The following SLC22A4 variants were observed in gnomAD, a reference collection of about 807,000 sequenced individuals.
The protein encoded by SLC22A4 is solute carrier family 22 member 4, also known as ET transporter.
Under a neutral mutation model 56.6 loss-of-function variants are expected in SLC22A4, and 39 were observed. That is an observed-to-expected ratio of 0.69 (90% CI 0.53 to 0.90). The LOEUF (loss-of-function observed/expected upper bound fraction) is 0.90, where lower values mean the gene tolerates loss of function less well. SLC22A4 is among the 40% of genes least tolerant of loss of function. The probability of loss-of-function intolerance (pLI) is 0.00; values close to 1 mark genes in which losing one functional copy is unlikely to be tolerated. For synonymous variants in SLC22A4, 241 were observed against 281.4 expected (o/e 0.86, Z 1.44); for missense variants, 594 against 696.5 (o/e 0.85, Z 1.66).
chr5:132,324,518 C>A (rs1315913995), intron 4 of SLC22A4: 1 of 471,058 alleles, frequency 2.1e-6, no homozygotes, highest in South Asian at 1.5e-5. Flanking sequence ...CAGGACTTGC[C>A]CCAGACAGAG....
chr5:132,307,156 GTTTGTT>G (rs1333805028), intron 1 of SLC22A4, among the ~76,000 whole-genome samples: 2 of 152,168 alleles, frequency 1.3e-5, no homozygotes, highest in African/African-American at 4.8e-5. Flanking sequence ...AACTAGCCAT[GTTTGTT>G]TTTGTTTTTC....
At chr5:132,328,880 T>A (rs1750766973) in intron 5 of SLC22A4, among the ~76,000 whole-genome samples, 1 of 114,454 alleles carries the variant, frequency 8.7e-6, no homozygotes, top group Non-Finnish European at 1.7e-5. Flanking sequence ...CATATATAAA[T>A]GTGTATATAT....
intron 1 of SLC22A4, chr5:132,311,821 T>G (rs1429284586): frequency 2.5e-6 from 1 of 404,862 alleles, no homozygotes; most frequent in Non-Finnish European, 4.7e-6. Context: ...CCACCTTTAC[T>G]TTGGACTGCC....
chr5:132,294,571 G>A lies in SLC22A4; in HGVS notation c.-46G>A, dbSNP rs554877227. ...AGCTACAAGACACTGTCCTGAGAACGCTGTCATCACCCGTAGTTGCAAGTT... is the reference window on the plus strand; with the variant it reads ...AGCTACAAGACACTGTCCTGAGAACACTGTCATCACCCGTAGTTGCAAGTT... On this transcript the variant is annotated 5_prime_UTR_variant, in exon 1 of 10. Transcript: ENST00000200652. This position sits in a 1 kb window ranked among gnomAD's most constrained non-coding sequence, Gnocchi z 5.6. 2 of 1,613,380 alleles carry A rather than the reference G, an allele frequency of 1.2e-6. No individual in the cohort carries two copies. The highest frequency in any genetic ancestry group is 2.7e-5 in the African/African-American group (2 of 75,036).
chr5:132,314,562 A>G (rs1750279150), intron 3 of SLC22A4, among the ~76,000 whole-genome samples: 1 of 152,204 alleles, frequency 6.6e-6, no homozygotes, highest in Non-Finnish European at 1.5e-5. Flanking sequence ...CTCTAGGGTG[A>G]TAATATATTC....
Position 132,328,838 on chromosome 5 carries a change from TACACACACAC to T in SLC22A4, c.951+1456_951+1465del, listed in dbSNP as rs200357854. On this transcript the variant is annotated intron_variant, in intron 5 of 9. Coordinates refer to ENST00000200652, the MANE Select transcript of SLC22A4 (RefSeq NM_003059.3). Reference sequence around the variant, plus strand: ...GGCAGTGCCTTTATATATATATATATACACACACACACACACACACACACACACACGCATA... The same window carrying T: ...GGCAGTGCCTTTATATATATATATATACACACACACACACACACACGCATA... Among the ~76,000 whole-genome samples the T allele has an allele frequency of 6.8e-3, 941 of 138,624 alleles. 13 individuals carry two copies. Among genetic ancestry groups the T allele is most frequent in the African/African-American group, 0.025 (907 of 36,450 alleles). The allele number at this position is 138,624 out of a possible 152,430, so 90.9% of individuals were successfully genotyped here. A position where few individuals can be genotyped will look rare whatever the true frequency, so the allele number is the denominator to read the frequency against.
At chr5:132,326,934 A>G (rs940049361) in intron 4 of SLC22A4, among the ~76,000 whole-genome samples, 1 of 152,242 alleles carries the variant, frequency 6.6e-6, no homozygotes, top group East Asian at 1.9e-4. Flanking sequence ...AGGGGAACTT[A>G]TAGTCTAGTA....
Position 132,335,216 on chromosome 5 carries a change from T to C in SLC22A4, c.1261+284T>C, listed in dbSNP as rs375700069. ...TCACCTAACATCTCCCTTTAACTCATAGTCATGATTCCTAATTTCTGGCTA... is the reference window on the plus strand; with the variant it reads ...TCACCTAACATCTCCCTTTAACTCACAGTCATGATTCCTAATTTCTGGCTA... On this transcript the variant is annotated intron_variant, in intron 7 of 9. Coordinates refer to ENST00000200652, the MANE Select transcript of SLC22A4 (RefSeq NM_003059.3). 1.3e-3 allele frequency among the ~76,000 whole-genome samples: 204 copies of C among 152,258 alleles called. 5 individuals carry two copies. In the South Asian group the frequency reaches 0.038, roughly 28 times the overall value.
chr5:132,305,161 A>G (rs1375407561), intron 1 of SLC22A4, among the ~76,000 whole-genome samples: 1 of 152,226 alleles, frequency 6.6e-6, no homozygotes, highest in Admixed American at 6.5e-5. Flanking sequence ...AAGGGCCTTA[A>G]CAGAAGATTT....
intron 9 of SLC22A4, among the ~76,000 whole-genome samples, chr5:132,343,096 A>G (rs865950280): frequency 6.6e-6 from 1 of 152,350 alleles, no homozygotes. Context: ...TCCAGAAATT[A>G]TAAGAGATTT....
chr5:132,295,356 C>T, intron 1 of SLC22A4: 2 of 530,364 alleles, frequency 3.8e-6, no homozygotes, highest in Non-Finnish European at 3.7e-6. Flanking sequence ...AGTCACCTTC[C>T]TGCCAGGCAT....
chr5:132,302,634 G>A (rs1311416474), intron 1 of SLC22A4, among the ~76,000 whole-genome samples: 5 of 152,224 alleles, frequency 3.3e-5, no homozygotes, highest in Non-Finnish European at 7.3e-5. Context: ...GGCAGGTTCA[G>A]GCGGCAACTT....
At chr5:132,310,690 T>C (rs1750158257) in intron 1 of SLC22A4, among the ~76,000 whole-genome samples, 1 of 152,206 alleles carries the variant, frequency 6.6e-6, no homozygotes, top group African/African-American at 2.4e-5. Flanking sequence ...ATCTTGCTAT[T>C]GTCTCTAGGA....
intron 1 of SLC22A4, among the ~76,000 whole-genome samples, chr5:132,308,972 C>T (rs3805664): frequency 9.2e-5 from 14 of 152,294 alleles, no homozygotes; most frequent in African/African-American, 3.1e-4. Context: ...TGTGCAGGGA[C>T]CCACAGGGAC....
intron 1 of SLC22A4, among the ~76,000 whole-genome samples, chr5:132,304,155 C>T (rs890619693): frequency 3.9e-5 from 6 of 152,276 alleles, no homozygotes; most frequent in African/African-American, 1.4e-4. Context: ...TCAAAACAAA[C>T]CTTATAGATT....
chr5:132,318,870 C>T (rs934898420), intron 3 of SLC22A4, among the ~76,000 whole-genome samples: 1 of 152,116 alleles, frequency 6.6e-6, no homozygotes, highest in Non-Finnish European at 1.5e-5. Context: ...GGGGCCAGGA[C>T]AGGGATCCCC....
intron 1 of SLC22A4, among the ~76,000 whole-genome samples, chr5:132,305,154 G>T (rs1749995196): frequency 6.6e-6 from 1 of 151,982 alleles, no homozygotes; most frequent in African/African-American, 2.4e-5. Flanking sequence ...GTAACTCAAG[G>T]GCCTTAACAG....
At position 132,306,384 on chromosome 5, in the gene SLC22A4, AATATATATATATAT is replaced by A. The variant is rs55779142; in HGVS notation, c.394-5731_394-5718del. Among the ~76,000 whole-genome samples the A allele has an allele frequency of 9.9e-3, 301 of 30,508 alleles. 6 individuals carry two copies. Among genetic ancestry groups the A allele is most frequent in the Middle Eastern group, 0.028 (1 of 36 alleles). The allele number at this position is 30,508 out of a possible 152,430, so 20.0% of individuals were successfully genotyped here. ...AAAACGTGGTAGACCCAAACCGTGA[AATATATATATATAT>A]ATATATATATATATATATATATATA... On this transcript the variant is annotated intron_variant, in intron 1 of 9. Transcript: ENST00000200652.
At chr5:132,334,197 A>C (rs186269582) in intron 6 of SLC22A4, among the ~76,000 whole-genome samples, 272 of 152,252 alleles carry the variant, frequency 1.8e-3, no homozygotes, top group Middle Eastern at 0.01. Context: ...GGGGACATTC[A>C]CTCTTTTCCC....
Sources: allele counts gnomAD v4.1 joint callset (sites outside exome capture counted in the v4.1 genomes callset), GRCh38; gene constraint gnomAD v4.1.1; non-coding constraint Gnocchi (gnomAD v3.1); transcripts MANE v1.5; gene names NCBI Gene and HGNC (gene_info 2026-07-23, HGNC 2026-07-21).